Variants in AGO3 observed in about 807,000 individuals in gnomAD.
AGO3 encodes protein argonaute-3.
Under a neutral mutation model 105.5 loss-of-function variants are expected in AGO3, and 16 were observed. That is an observed-to-expected ratio of 0.15 (90% CI 0.10 to 0.23). The LOEUF is 0.23. Among genes scored for constraint, AGO3 ranks in the 10% least tolerant of loss-of-function variants. The pLI, the probability that AGO3 is intolerant of heterozygous loss-of-function variation, is 1.00. For missense variants in AGO3, 534 were observed against 1,088.0 expected (o/e 0.49, Z 7.16); for synonymous variants, 340 against 367.3 (o/e 0.93, Z 0.85).
Position 36,063,995 on chromosome 1 carries a change from A to C in AGO3, c.*8250A>C, listed in dbSNP as rs1349452024. ...TCCTAAGCTCAAGTGCTTCTCCCACATCAGCCTCCCAAAGTGCTGGGATTA... is the reference window on the plus strand; with the variant it reads ...TCCTAAGCTCAAGTGCTTCTCCCACCTCAGCCTCCCAAAGTGCTGGGATTA... On this transcript the variant is annotated 3_prime_UTR_variant, in exon 19 of 19. Coordinates refer to ENST00000373191, the MANE Select transcript of AGO3 (RefSeq NM_024852.4). 6.6e-6 allele frequency: 1 copy of C among 152,156 alleles called. No individual in the cohort carries two copies. The highest frequency in any genetic ancestry group is 2.4e-5 in the African/African-American group (1 of 41,418). 9.4% of individuals were successfully genotyped at this position (152,156 alleles called of 1,614,324 possible).
chr1:35,962,592 AACAG>A (rs1646698441), intron 2 of AGO3, among the ~76,000 whole-genome samples: 1 of 152,016 alleles, frequency 6.6e-6, no homozygotes, highest in Non-Finnish European at 1.5e-5. Context: ...CTGGCACAAG[AACAG>A]ACAAACAGAA....
In AGO3 at chr1:36,027,338, G is replaced by T. The variant is rs554184053; in HGVS notation, c.1591+40G>T. 1 of 1,534,516 alleles carries T rather than the reference G, an allele frequency of 6.5e-7. No individual in the cohort carries two copies. Among genetic ancestry groups the T allele is most frequent in the Non-Finnish European group, 8.8e-7 (1 of 1,132,966 alleles). ...AGACTGCATTTTTCCTCAAGTACTT[G>T]ATGTCCTTTTAGGATTATACTGAAA... On this transcript the variant is annotated intron_variant, in intron 12 of 18. Transcript: ENST00000373191. The surrounding 1 kb of genome is among the most constrained non-coding windows in gnomAD (Gnocchi z 4.0).
intron 1 of AGO3, among the ~76,000 whole-genome samples, chr1:35,944,258 T>A (rs1390223297): frequency 6.6e-6 from 1 of 151,886 alleles, no homozygotes; most frequent in Non-Finnish European, 1.5e-5. Flanking sequence ...TAAGACAGGG[T>A]CTTGCCATTT....
At chr1:35,981,148 AT>A (rs975159280) in intron 5 of AGO3, among the ~76,000 whole-genome samples, 1 of 151,892 alleles carries the variant, frequency 6.6e-6, no homozygotes, top group African/African-American at 2.4e-5. Flanking sequence ...TAGGGTTTTA[AT>A]TTTCCTCTGC....
chr1:36,052,148 G>A (rs145877101), intron 17 of AGO3, among the ~76,000 whole-genome samples: 72 of 152,280 alleles, frequency 4.7e-4, no homozygotes, highest in African/African-American at 1.6e-3. Context: ...CAATAGGCAA[G>A]ATATGGAATC....
chr1:36,044,392 T>TG (rs988755233), intron 17 of AGO3, among the ~76,000 whole-genome samples: 2 of 151,928 alleles, frequency 1.3e-5, no homozygotes, highest in East Asian at 3.9e-4. Context: ...GCTTTAGTTT[T>TG]TTTTTGTTGT....
intron 1 of AGO3, 38 bp downstream of exon 1, chr1:35,931,483 C>A: frequency 6.9e-7 from 1 of 1,448,382 alleles, no homozygotes; most frequent in Non-Finnish European, 9.1e-7. Context: ...GGGATGTCAC[C>A]CAGCTACTGT....
In AGO3 at chr1:36,022,063, T is replaced by TC. The variant is rs1491398789; in HGVS notation, c.1407-5051_1407-5050insC. On this transcript the variant is annotated intron_variant, in intron 11 of 18. Transcript: ENST00000373191. ...CTTGGATGAAACTAAGTTGGGGGCC[T>TC]TTTTTTTTTTTTTTTTTTTTGACAT... 4.3e-3 allele frequency among the ~76,000 whole-genome samples: 28 copies of TC among 6,550 alleles called. No individual in the cohort carries two copies. In the Admixed American group the frequency reaches 0.079, roughly 19 times the overall value. The allele number at this position is 6,550 out of a possible 152,430, so 4.3% of individuals were successfully genotyped here. A position where few individuals can be genotyped will look rare whatever the true frequency, so the allele number is the denominator to read the frequency against.
intron 5 of AGO3, among the ~76,000 whole-genome samples, chr1:35,977,251 T>G (rs544220208): frequency 6.7e-6 from 1 of 148,606 alleles, no homozygotes; most frequent in Non-Finnish European, 1.5e-5. Context: ...CCCATAAAAA[T>G]TTTTTTTTAA....
At chr1:35,970,341 A>G (rs961366826) in intron 3 of AGO3, among the ~76,000 whole-genome samples, 24 of 152,224 alleles carry the variant, frequency 1.6e-4, no homozygotes, top group African/African-American at 5.5e-4. Context: ...GATTCTTCCA[A>G]TTCTAGTCCG....
intron 5 of AGO3, among the ~76,000 whole-genome samples, chr1:35,977,446 G>A (rs566534417): frequency 6.9e-6 from 1 of 145,642 alleles, no homozygotes; most frequent in African/African-American, 2.6e-5. Context: ...AGGCTGGAGT[G>A]CAGTGGTGTA....
At position 36,063,063 on chromosome 1, in the gene AGO3, A is replaced by G. The variant is rs1158165208; in HGVS notation, c.*7318A>G. On this transcript the variant is annotated 3_prime_UTR_variant, in exon 19 of 19. Transcript: ENST00000373191. ...TTTCCTCATTCTTTGTAATAGCAGC[A>G]AAGATTAAGATGGAGTGTTAATATA... The G allele has an allele frequency of 6.6e-6, 1 of 152,224 alleles. No homozygotes were observed. The highest frequency in any genetic ancestry group is 1.5e-5 in the Non-Finnish European group (1 of 68,034). 9.4% of individuals were successfully genotyped at this position (152,224 alleles called of 1,614,324 possible). A position where few individuals can be genotyped will look rare whatever the true frequency, so the allele number is the denominator to read the frequency against.
rs1010474166 is a variant in AGO3 at position 36,057,856 on chromosome 1, A to G, written c.*2111A>G. 6.6e-6 allele frequency: 1 copy of G among 152,104 alleles called. No individual in the cohort carries two copies. The highest frequency in any genetic ancestry group is 1.5e-5 in the Non-Finnish European group (1 of 68,066). 9.4% of individuals were successfully genotyped at this position (152,104 alleles called of 1,614,324 possible). A position where few individuals can be genotyped will look rare whatever the true frequency, so the allele number is the denominator to read the frequency against. ...GCTGGGCGTGGTAGTGGGCACCTCTAATCCCAGCTACTCGGGAGGCTGAGG... is the reference window on the plus strand; with the variant it reads ...GCTGGGCGTGGTAGTGGGCACCTCTGATCCCAGCTACTCGGGAGGCTGAGG... On this transcript the variant is annotated 3_prime_UTR_variant, in exon 19 of 19. Coordinates refer to ENST00000373191, the MANE Select transcript of AGO3 (RefSeq NM_024852.4).
chr1:36,047,441 G>A (rs370336071), intron 17 of AGO3, among the ~76,000 whole-genome samples: 21 of 151,388 alleles, frequency 1.4e-4, no homozygotes, highest in African/African-American at 4.1e-4. Flanking sequence ...AAAAAAAATC[G>A]GAGTCAGAAA....
chr1:36,010,155 G>C (rs1050857195), intron 9 of AGO3, among the ~76,000 whole-genome samples: 1 of 151,822 alleles, frequency 6.6e-6, no homozygotes, highest in Non-Finnish European at 1.5e-5. Context: ...TAGCCAGGAT[G>C]GTCTCCATCT....
chr1:36,029,079 G>T (rs1341025755), intron 12 of AGO3, among the ~76,000 whole-genome samples: 1 of 152,016 alleles, frequency 6.6e-6, no homozygotes, highest in African/African-American at 2.4e-5. Context: ...CATACCCTGG[G>T]ATACTAATAA....
intron 5 of AGO3, among the ~76,000 whole-genome samples, chr1:35,998,617 T>C (rs923772663): frequency 2.6e-5 from 4 of 152,266 alleles, no homozygotes; most frequent in Middle Eastern, 3.4e-3. Context: ...TAGGTTGATA[T>C]TGTTTTAGTA....
At chr1:35,998,966 C>G (rs916158720) in intron 5 of AGO3, among the ~76,000 whole-genome samples, 2 of 152,186 alleles carry the variant, frequency 1.3e-5, no homozygotes, top group African/African-American at 4.8e-5. Context: ...ATGAGGTAGG[C>G]TTTCAAGCCT....
chr1:35,979,941 G>C (rs1647021981), intron 5 of AGO3, among the ~76,000 whole-genome samples: 1 of 151,964 alleles, frequency 6.6e-6, no homozygotes, highest in Non-Finnish European at 1.5e-5. Flanking sequence ...ATATCTTTCT[G>C]TCAAGTCACA....
Sources: gnomAD v4.1 joint callset for allele counts (sites outside exome capture counted in the v4.1 genomes callset) on GRCh38, gnomAD v4.1.1 for gene constraint, Gnocchi (gnomAD v3.1) non-coding constraint, MANE v1.5 for transcripts, NCBI Gene and HGNC (gene_info 2026-07-23, HGNC 2026-07-21) for gene names.